The following GMDS variants were observed in gnomAD, a reference collection of about 807,000 sequenced individuals.
GMDS encodes the protein GDP-mannose 4,6-dehydratase.
Under a neutral mutation model 49.9 loss-of-function variants are expected in GMDS, and 20 were observed. The observed-to-expected ratio is 0.40, with a 90% CI of 0.28 to 0.58. The LOEUF is 0.58. GMDS is among the 20% of genes least tolerant of loss of function. The probability of loss-of-function intolerance (pLI) is 0.42; values close to 1 mark genes in which losing one functional copy is unlikely to be tolerated. For synonymous variants in GMDS, 177 were observed against 178.6 expected (o/e 0.99, Z 0.07); for missense variants, 362 against 481.4 (o/e 0.75, Z 2.32).
intron 9 of GMDS, among the ~76,000 whole-genome samples, chr6:1,629,971 A>G (rs1257010992): frequency 6.6e-6 from 1 of 152,220 alleles, no homozygotes; most frequent in Non-Finnish European, 1.5e-5. Flanking sequence ...CTACTTGTCA[A>G]TAAAGCTTAG....
intron 7 of GMDS, among the ~76,000 whole-genome samples, chr6:1,801,443 C>A (rs563544299): frequency 2.6e-5 from 4 of 152,198 alleles, no homozygotes; most frequent in African/African-American, 9.6e-5. Flanking sequence ...AGATTCATAC[C>A]CTTTGAATAG....
chr6:2,148,081 T>A (rs1027514411), intron 1 of GMDS, among the ~76,000 whole-genome samples: 14 of 152,118 alleles, frequency 9.2e-5, no homozygotes, highest in Non-Finnish European at 2.1e-4. Context: ...TCCTGTGTTT[T>A]GAAACACATT....
chr6:1,943,680 T>G (rs528302673), intron 6 of GMDS, among the ~76,000 whole-genome samples: 4 of 152,190 alleles, frequency 2.6e-5, no homozygotes, highest in Non-Finnish European at 4.4e-5. Flanking sequence ...TGCATACTAA[T>G]AAGAATAAAG....
chr6:1,645,306 G>GA (rs1219184383), intron 9 of GMDS, among the ~76,000 whole-genome samples: 9 of 152,194 alleles, frequency 5.9e-5, no homozygotes, highest in Non-Finnish European at 8.8e-5. Context: ...CATGGGCAGA[G>GA]AATCTATGGT....
chr6:1,691,459 C>T (rs917532682), intron 9 of GMDS, among the ~76,000 whole-genome samples: 3 of 152,064 alleles, frequency 2.0e-5, no homozygotes, highest in Non-Finnish European at 2.9e-5. Context: ...CCATGGCATA[C>T]GTTCACCTAA....
chr6:1,636,762 C>T (rs1443023109), intron 9 of GMDS, among the ~76,000 whole-genome samples: 1 of 152,240 alleles, frequency 6.6e-6, no homozygotes, highest in South Asian at 2.1e-4. Context: ...TGATTCTTAC[C>T]CGTACCAGTG....
At chr6:1,956,128 A>C (rs1763624075) in intron 6 of GMDS, among the ~76,000 whole-genome samples, 2 of 152,222 alleles carry the variant, frequency 1.3e-5, no homozygotes. Flanking sequence ...CTACCTTGCT[A>C]CCATAGGAGA....
At chr6:1,848,770 G>A (rs1435559645) in intron 7 of GMDS, among the ~76,000 whole-genome samples, 1 of 152,174 alleles carries the variant, frequency 6.6e-6, no homozygotes, top group African/African-American at 2.4e-5. Context: ...GGTGCACATG[G>A]CTGTTGAGGG....
At chr6:1,989,991 G>A (rs1248204448) in intron 4 of GMDS, among the ~76,000 whole-genome samples, 1 of 152,242 alleles carries the variant, frequency 6.6e-6, no homozygotes, top group Non-Finnish European at 1.5e-5. Flanking sequence ...TTTCCACGTA[G>A]GTGCTTAAGA....
At chr6:1,849,935 T>G (rs534501763) in intron 7 of GMDS, among the ~76,000 whole-genome samples, 1 of 152,340 alleles carries the variant, frequency 6.6e-6, no homozygotes, top group Middle Eastern at 3.4e-3. Flanking sequence ...AATAGGAAGT[T>G]CGTTTTTCAA....
chr6:1,977,852 C>T (rs1016356816), intron 4 of GMDS, among the ~76,000 whole-genome samples: 6 of 152,168 alleles, frequency 3.9e-5, no homozygotes, highest in African/African-American at 1.4e-4. Flanking sequence ...CAGGCACAGA[C>T]ACAGACCCAG....
In GMDS at chr6:1,944,433, A is replaced by G. The variant is rs558796804; in HGVS notation, c.644-14203T>C. ...GGCAGGAGAATGGCGTGAATCTGGG[A>G]GGCAGAGCTTGCAGTGAGCCGAGAT... On this transcript the variant is annotated intron_variant, in intron 6 of 10. Coordinates refer to ENST00000380815, the MANE Select transcript of GMDS (RefSeq NM_001500.4). Among the ~76,000 whole-genome samples the G allele has an allele frequency of 2.6e-5, 4 of 152,074 alleles. No homozygotes were observed. The South Asian group carries it at 8.3e-4, about 32-fold the overall frequency.
intron 1 of GMDS, among the ~76,000 whole-genome samples, chr6:2,235,147 AAAC>A (rs1479646368): frequency 6.6e-6 from 1 of 152,146 alleles, no homozygotes; most frequent in Non-Finnish European, 1.5e-5. Context: ...AAAAACAAAA[AAAC>A]AAGTGATGAT....
At position 1,635,946 on chromosome 6, in the gene GMDS, C is replaced by A. The variant is rs1252536870; in HGVS notation, c.988-11406G>T. On this transcript the variant is annotated intron_variant, in intron 9 of 10. Coordinates refer to ENST00000380815, the MANE Select transcript of GMDS (RefSeq NM_001500.4). This position sits in a 1 kb window ranked among gnomAD's most constrained non-coding sequence, Gnocchi z 4.7. Reference sequence around the variant, plus strand: ...CACTACTGTTTGGTTAGAGCCCTTTCCTCACAAGGCACTTTTCCTACGTCG... The same window carrying A: ...CACTACTGTTTGGTTAGAGCCCTTTACTCACAAGGCACTTTTCCTACGTCG... Among the ~76,000 whole-genome samples, 2 of 152,196 alleles carry A rather than the reference C, an allele frequency of 1.3e-5. No individual in the cohort carries two copies. Among genetic ancestry groups the A allele is most frequent in the African/African-American group, 4.8e-5 (2 of 41,436 alleles).
intron 1 of GMDS, among the ~76,000 whole-genome samples, chr6:2,231,428 G>A (rs1781105582): frequency 6.6e-6 from 1 of 152,034 alleles, no homozygotes; most frequent in African/African-American, 2.4e-5. Flanking sequence ...GCCAGATATG[G>A]TAGAACCCAC....
In GMDS at chr6:1,818,387, C is replaced by G. The variant is rs1770754449; in HGVS notation, c.772-75801G>C. 2.0e-5 allele frequency among the ~76,000 whole-genome samples: 3 copies of G among 152,212 alleles called. No homozygotes were observed. The South Asian group carries it at 6.2e-4, about 32-fold the overall frequency. On this transcript the variant is annotated intron_variant, in intron 7 of 10. Coordinates refer to ENST00000380815, the MANE Select transcript of GMDS (RefSeq NM_001500.4). ...CTTTGGGAGGCCGAGGCGGGTGGAT[C>G]ACCTGAGGTCAGGAGTTCAAGACCA...
At chr6:1,990,756 G>T (rs12210026) in intron 4 of GMDS, among the ~76,000 whole-genome samples, 96,850 of 145,812 alleles carry the variant, frequency 0.66, 32,269 homozygotes, top group African/African-American at 0.75. Flanking sequence ...TTTTTTTTTT[G>T]GGGGGGTAGA....
At chr6:1,661,926 G>C (rs1236945822) in intron 9 of GMDS, among the ~76,000 whole-genome samples, 1 of 152,134 alleles carries the variant, frequency 6.6e-6, no homozygotes, top group East Asian at 1.9e-4. Flanking sequence ...ATCATCTGAG[G>C]GTCATCAAAA....
chr6:2,061,910 T>C (rs1420065324), intron 4 of GMDS, among the ~76,000 whole-genome samples: 1 of 152,134 alleles, frequency 6.6e-6, no homozygotes, highest in Non-Finnish European at 1.5e-5. Context: ...ATCTTTACAA[T>C]ACATTAAAAG....
Sources: gnomAD v4.1 joint callset for allele counts (sites outside exome capture counted in the v4.1 genomes callset) on GRCh38, gnomAD v4.1.1 for gene constraint, Gnocchi (gnomAD v3.1) non-coding constraint, MANE v1.5 for transcripts, NCBI Gene and HGNC (gene_info 2026-07-23, HGNC 2026-07-21) for gene names.